ZNF765: variants seen among roughly 807,000 people sequenced by gnomAD.
ZNF765 encodes the protein zinc finger protein 765.
In ZNF765, 37 loss-of-function variants were observed where a neutral mutation model predicts 44.7. The ratio of observed to expected loss-of-function variants is 0.83; its 90% CI spans 0.64 to 1.09. The LOEUF is 1.09. Ranked by LOEUF, ZNF765 falls within the 50% of genes least tolerant of loss-of-function variation. The pLI is 0.00. For missense variants in ZNF765, 594 were observed against 626.1 expected (o/e 0.95, Z 0.55); for synonymous variants, 201 against 213.7 (o/e 0.94, Z 0.52).
intron 3 of ZNF765, among the ~76,000 whole-genome samples, chr19:53,417,251 A>G (rs1350029216): frequency 6.6e-6 from 1 of 152,162 alleles, no homozygotes; most frequent in African/African-American, 2.4e-5. Flanking sequence ...AGTGCCCACT[A>G]ATCATATTTC....
At chr19:53,396,552 T>C (rs902240356) in intron 1 of ZNF765, among the ~76,000 whole-genome samples, 2 of 152,208 alleles carry the variant, frequency 1.3e-5, no homozygotes, top group Admixed American at 1.3e-4. Flanking sequence ...TGTAGCTGCA[T>C]TGAAAGAAAA....
chr19:53,423,181 C>T (rs1386894012), exon 4 of ZNF765: 2 of 699,634 alleles, frequency 2.9e-6, no homozygotes, highest in Non-Finnish European at 2.6e-6. Context: ...AGCACGCTGG[C>T]TCCTGTGTGT....
At chr19:53,413,207 T>C, downstream of ZNF765, 1 of 587,750 alleles carries the variant, frequency 1.7e-6, no homozygotes. Flanking sequence ...CTTATAAGAC[T>C]TTCAGGATTA....
chr19:53,405,458 C>T lies in ZNF765; in HGVS notation c.143-2240C>T, dbSNP rs2085764773. On this transcript the variant is annotated intron_variant, in intron 3 of 3. Coordinates refer to ENST00000396408, the MANE Select transcript of ZNF765 (RefSeq NM_001040185.3). ...AGCTTAAACTGGGAGGCTTCAGACA[C>T]AGAAATTTATTTCTCATGAATTTGG... Among the ~76,000 whole-genome samples, 6 of 151,878 alleles carry T rather than the reference C, an allele frequency of 4.0e-5. No individual in the cohort carries two copies. In the South Asian group the frequency reaches 1.2e-3, roughly 32 times the overall value.
In ZNF765 at chr19:53,396,363, T is replaced by C. The variant is rs547071535; in HGVS notation, c.-74+1170T>C. ...TATGCGGGAGACAGAACGATGTTTA[T>C]TTAAGGTACGCACCGGCTCAGTGGA... On this transcript the variant is annotated intron_variant, in intron 1 of 3. Coordinates refer to ENST00000396408, the MANE Select transcript of ZNF765 (RefSeq NM_001040185.3). Among the ~76,000 whole-genome samples the C allele has an allele frequency of 5.3e-5, 8 of 152,338 alleles. No individual in the cohort carries two copies. In the South Asian group the frequency reaches 1.2e-3, roughly 24 times the overall value.
chr19:53,407,993 G>A lies in ZNF765; in HGVS notation c.438G>A (p.Ser146=), dbSNP rs147291089. 3.0e-5 allele frequency: 49 copies of A among 1,614,136 alleles called. No individual in the cohort carries two copies. The highest frequency in any genetic ancestry group is 2.1e-4 in the African/African-American group (16 of 75,036). ...ATCAGCTTGGATTCAGCTTTCATTCGCATCTGCCTGAACTGCACATATTTC... is the reference window on the plus strand; with the variant it reads ...ATCAGCTTGGATTCAGCTTTCATTCACATCTGCCTGAACTGCACATATTTC... ...VKYQLGFSFH[S]HLPELHIFHT... is the part of the protein sequence containing the mutation. Residue 146 remains serine (S), a synonymous_variant, in exon 4 of 4, where the codon TCG becomes TCA. Coordinates refer to ENST00000396408, the MANE Select transcript of ZNF765 (RefSeq NM_001040185.3).
At chr19:53,404,537 C>G (rs1568778142) in intron 3 of ZNF765, among the ~76,000 whole-genome samples, 1 of 152,126 alleles carries the variant, frequency 6.6e-6, no homozygotes, top group Non-Finnish European at 1.5e-5. Context: ...ACTGCAGCCT[C>G]TGCCTCCCAG....
At chr19:53,396,290 G>A (rs538239910) in intron 1 of ZNF765, among the ~76,000 whole-genome samples, 16 of 152,276 alleles carry the variant, frequency 1.1e-4, no homozygotes, top group Admixed American at 1.0e-3. Context: ...GGAGAGCAGA[G>A]GAGGCGCAGA....
At chr19:53,424,879 G>T (rs1445030254) in exon 4 of ZNF765, 1 of 152,142 alleles carries the variant, frequency 6.6e-6, no homozygotes, top group Non-Finnish European at 1.5e-5. Context: ...GTTCAGGCTG[G>T]TCTCAAACTC....
intron 3 of ZNF765, among the ~76,000 whole-genome samples, chr19:53,403,345 T>A (rs1464809587): frequency 6.6e-6 from 1 of 152,186 alleles, no homozygotes; most frequent in Non-Finnish European, 1.5e-5. Flanking sequence ...CTGTTACATA[T>A]TATCTGTATT....
At chr19:53,402,382 A>G (rs2085736645) in intron 3 of ZNF765, among the ~76,000 whole-genome samples, 191 bp downstream of exon 3, 1 of 148,316 alleles carries the variant, frequency 6.7e-6, no homozygotes, top group Non-Finnish European at 1.5e-5. Flanking sequence ...TCAGCCTCCC[A>G]AGTAGCTGGG....
intron 3 of ZNF765, among the ~76,000 whole-genome samples, chr19:53,417,218 T>C (rs1217515670): frequency 6.6e-6 from 1 of 152,190 alleles, no homozygotes; most frequent in Non-Finnish European, 1.5e-5. Flanking sequence ...TACAGATCAC[T>C]TCATCACCAG....
intron 3 of ZNF765, among the ~76,000 whole-genome samples, chr19:53,418,753 A>C (rs947719287): frequency 2.0e-5 from 3 of 151,852 alleles, no homozygotes; most frequent in Non-Finnish European, 4.4e-5. Flanking sequence ...AAAAATACAA[A>C]AATTAGCCGG....
At position 53,409,793 on chromosome 19, in the gene ZNF765, G is replaced by A. The variant is rs2085816718; in HGVS notation, c.*666G>A. The A allele has an allele frequency of 5.1e-6, 4 of 777,172 alleles. No homozygotes were observed. In the Admixed American group the frequency reaches 7.1e-5, roughly 14 times the overall value. The allele number at this position is 777,172 out of a possible 1,614,324, so 48.1% of individuals were successfully genotyped here. On this transcript the variant is annotated 3_prime_UTR_variant, in exon 4 of 4. Coordinates refer to ENST00000396408, the MANE Select transcript of ZNF765 (RefSeq NM_001040185.3). Reference sequence around the variant, plus strand: ...TGGAGAGATACCTTAAAAGTGTAGTGAGTGTGGCAAGACCTTTAGTCTGAA... The same window carrying A: ...TGGAGAGATACCTTAAAAGTGTAGTAAGTGTGGCAAGACCTTTAGTCTGAA...
Position 53,410,975 on chromosome 19 carries a change from A to G in ZNF765, c.*1848A>G. 2.8e-6 allele frequency: 1 copy of G among 361,176 alleles called. No individual in the cohort carries two copies. The highest frequency in any genetic ancestry group is 2.3e-5 in the South Asian group (1 of 42,730). 22.4% of individuals were successfully genotyped at this position (361,176 alleles called of 1,614,324 possible). On this transcript the variant is annotated 3_prime_UTR_variant, in exon 4 of 4. Transcript: ENST00000396408. ...TCAGTCTGAGCTCACTCCTTGCAGGATATCAGAAAATTCATTTTGGAGATA... is the reference window on the plus strand; with the variant it reads ...TCAGTCTGAGCTCACTCCTTGCAGGGTATCAGAAAATTCATTTTGGAGATA...
At chr19:53,414,197 C>T (rs1386719236), downstream of ZNF765, among the ~76,000 whole-genome samples, 2 of 130,588 alleles carry the variant, frequency 1.5e-5, no homozygotes, top group Admixed American at 9.6e-5. Flanking sequence ...GCCGAGATCG[C>T]GCTACTGCAC....
intron 2 of ZNF765, among the ~76,000 whole-genome samples, chr19:53,399,513 A>G (rs1423140100): frequency 2.0e-5 from 3 of 151,980 alleles, no homozygotes; most frequent in Non-Finnish European, 4.4e-5. Flanking sequence ...TTGAAAAAAA[A>G]ATAACTTTTT....
chr19:53,405,685 G>T (rs1022144794), intron 3 of ZNF765, among the ~76,000 whole-genome samples: 2 of 149,888 alleles, frequency 1.3e-5, no homozygotes, highest in Non-Finnish European at 3.0e-5. Flanking sequence ...TGTCTCAAAG[G>T]CCCCATCTGC....
intron 3 of ZNF765, among the ~76,000 whole-genome samples, chr19:53,403,602 G>A (rs1228168239): frequency 1.3e-5 from 2 of 152,118 alleles, no homozygotes; most frequent in African/African-American, 2.4e-5. Context: ...CCAGCACTTC[G>A]GGAGGCCGAG....
Sources: allele counts gnomAD v4.1 joint callset (sites outside exome capture counted in the v4.1 genomes callset), GRCh38; gene constraint gnomAD v4.1.1; transcripts MANE v1.5; gene names NCBI Gene and HGNC (gene_info 2026-07-23, HGNC 2026-07-21).